The following RPS6KC1 variants were observed in gnomAD, a reference collection of about 807,000 sequenced individuals.
The protein encoded by RPS6KC1 is inactive ribosomal protein S6 kinase delta-1.
RPS6KC1 carries 54 observed loss-of-function variants against 103.8 expected under a neutral mutation model. The observed-to-expected ratio is 0.52, with a 90% CI of 0.42 to 0.65. RPS6KC1 has a LOEUF of 0.65. Ranked by LOEUF, RPS6KC1 falls within the 30% of genes least tolerant of loss-of-function variation. RPS6KC1 has a pLI of 0.00. For missense variants in RPS6KC1, 1,151 were observed against 1,253.8 expected (o/e 0.92, Z 1.24); for synonymous variants, 439 against 438.7 (o/e 1.00, Z -0.01).
At chr1:213,652,239 C>T in the RPS6KC1 span, among the ~76,000 whole-genome samples, 4 of 152,148 alleles carry the variant, frequency 2.6e-5, no homozygotes, top group East Asian at 1.9e-4. Flanking sequence ...TTCTACGTGC[C>T]TGGCACTGTG....
the RPS6KC1 span, among the ~76,000 whole-genome samples, chr1:213,609,342 G>A: frequency 6.6e-6 from 1 of 152,144 alleles, no homozygotes; most frequent in African/African-American, 2.4e-5. Context: ...CTGACCTCTG[G>A]CCTTGGCCAC....
chr1:213,659,497 T>C, the RPS6KC1 span, among the ~76,000 whole-genome samples: 1 of 152,208 alleles, frequency 6.6e-6, no homozygotes, highest in African/African-American at 2.4e-5. Flanking sequence ...CCAAAGAACA[T>C]TTTCTTAGAA....
At chr1:213,168,006 A>G (rs1572975011) in intron 7 of RPS6KC1, 33 bp downstream of exon 7, 1 of 1,452,890 alleles carries the variant, frequency 6.9e-7, no homozygotes, top group East Asian at 2.3e-5. Context: ...TGTTTTCTTC[A>G]GTGATTTTTT....
At chr1:213,217,409 C>T (rs367662066) in intron 8 of RPS6KC1, among the ~76,000 whole-genome samples, 1 of 152,108 alleles carries the variant, frequency 6.6e-6, no homozygotes, top group Non-Finnish European at 1.5e-5. Context: ...AAGTCCAGGA[C>T]CAGATGGATT....
At chr1:213,742,169 T>G in the RPS6KC1 span, among the ~76,000 whole-genome samples, 1 of 152,262 alleles carries the variant, frequency 6.6e-6, no homozygotes, top group South Asian at 2.1e-4. Context: ...TAATAAAAAA[T>G]AAAAGAAATT....
chr1:213,166,220 C>T (rs760117782), intron 6 of RPS6KC1, among the ~76,000 whole-genome samples: 12 of 151,484 alleles, frequency 7.9e-5, no homozygotes, highest in Non-Finnish European at 1.5e-4. Context: ...ATATTTGAGC[C>T]TAAGGTGAAT....
the RPS6KC1 span, among the ~76,000 whole-genome samples, chr1:213,447,888 TG>T: frequency 2.0e-5 from 3 of 152,332 alleles, no homozygotes; most frequent in South Asian, 2.1e-4. Flanking sequence ...CTATATTACG[TG>T]TTTTTTTATA....
chr1:213,784,659 A>G, the RPS6KC1 span, among the ~76,000 whole-genome samples: 1 of 152,176 alleles, frequency 6.6e-6, no homozygotes, highest in African/African-American at 2.4e-5. Flanking sequence ...GCCCAGAACA[A>G]TGCCCACATC....
At chr1:213,849,883 T>G in the RPS6KC1 span, among the ~76,000 whole-genome samples, 4 of 150,452 alleles carry the variant, frequency 2.7e-5, no homozygotes, top group Non-Finnish European at 4.5e-5. Context: ...TGGACAGGAT[T>G]TTTTTTTTCA....
chr1:213,339,971 C>G, the RPS6KC1 span, among the ~76,000 whole-genome samples: 2 of 152,134 alleles, frequency 1.3e-5, no homozygotes, highest in East Asian at 3.9e-4. Context: ...TGGCTCACTG[C>G]AACCTCTGCC....
At chr1:213,656,118 C>G in the RPS6KC1 span, among the ~76,000 whole-genome samples, 1 of 152,102 alleles carries the variant, frequency 6.6e-6, no homozygotes, top group Non-Finnish European at 1.5e-5. Flanking sequence ...ACTTGGGTAC[C>G]AATGTTGTCC....
downstream of RPS6KC1, among the ~76,000 whole-genome samples, chr1:213,277,190 G>T (rs780945018): frequency 6.6e-6 from 1 of 152,182 alleles, no homozygotes; most frequent in South Asian, 2.1e-4. Context: ...TAGCAGCAGG[G>T]AAATGGAAAG....
At chr1:213,792,679 G>T in the RPS6KC1 span, among the ~76,000 whole-genome samples, 1 of 152,092 alleles carries the variant, frequency 6.6e-6, no homozygotes, top group African/African-American at 2.4e-5. Flanking sequence ...CATATGAATG[G>T]TATAGCACAG....
chr1:213,511,819 C>T, the RPS6KC1 span, among the ~76,000 whole-genome samples: 1 of 152,170 alleles, frequency 6.6e-6, no homozygotes, highest in African/African-American at 2.4e-5. Context: ...TTCCTGATCC[C>T]CCTTCCCTGG....
intron 2 of RPS6KC1, among the ~76,000 whole-genome samples, chr1:213,077,463 G>A (rs1213958503): frequency 6.6e-6 from 1 of 152,098 alleles, no homozygotes; most frequent in Non-Finnish European, 1.5e-5. Context: ...CGCTTTATAT[G>A]TAATATATTT....
At chr1:213,204,706 C>T (rs1053753169) in intron 8 of RPS6KC1, among the ~76,000 whole-genome samples, 5 of 149,492 alleles carry the variant, frequency 3.3e-5, no homozygotes, top group Admixed American at 2.7e-4. Context: ...TTACTGCAGT[C>T]CCGACGTCTT....
At chr1:213,311,131 T>C in the RPS6KC1 span, among the ~76,000 whole-genome samples, 13 of 151,430 alleles carry the variant, frequency 8.6e-5, no homozygotes, top group South Asian at 2.1e-4. Flanking sequence ...TTCTTTTTTT[T>C]AATTTAGGCA....
rs2094381244 is a variant in RPS6KC1, at chr1:213,242,593, G to A, written c.2846G>A (p.Ser949Asn). Residue 949 changes from serine (S) to asparagine (N), a missense_variant, in exon 12 of 15, where the codon AGC becomes AAC. Ser to Asn is a conservative substitution (Grantham distance 46, BLOSUM62 1). This residue lies in a region of RPS6KC1 where 189 missense variants were observed against 228.8 expected (regional missense o/e 0.83). Coordinates refer to ENST00000366960, the MANE Select transcript of RPS6KC1 (RefSeq NM_012424.6). ...DRGHIQLTYF[S>N]RWSEVEDSCD... ...GGACACATTCAGCTAACGTATTTTA[G>A]CAGGTGGAGTGAGGTTGAAGATTCC... is the stretch of plus-strand genomic sequence containing the variant. The A allele has an allele frequency of 1.3e-6, 2 of 1,560,106 alleles. No individual in the cohort carries two copies. Among genetic ancestry groups the A allele is most frequent in the Non-Finnish European group, 1.7e-6 (2 of 1,143,780 alleles).
the RPS6KC1 span, among the ~76,000 whole-genome samples, chr1:213,852,664 C>T: frequency 6.6e-6 from 1 of 152,134 alleles, no homozygotes; most frequent in Admixed American, 6.5e-5. Flanking sequence ...TTTAAGCACT[C>T]TGTTAAGCAT....
Sources: allele counts gnomAD v4.1 joint callset (sites outside exome capture counted in the v4.1 genomes callset), GRCh38; gene constraint gnomAD v4.1.1; regional missense constraint gnomAD v4.1.1; transcripts MANE v1.5; gene names NCBI Gene and HGNC (gene_info 2026-07-23, HGNC 2026-07-21).